PCYT1B: variants seen among roughly 807,000 people sequenced by gnomAD.
The protein encoded by PCYT1B is phosphate cytidylyltransferase 1B, choline, also known as choline-phosphate cytidylyltransferase B.
In PCYT1B, 10 loss-of-function variants were observed where a neutral mutation model predicts 26.4. The observed-to-expected ratio is 0.38, with a 90% CI of 0.23 to 0.64. PCYT1B has a LOEUF of 0.64. Among genes scored for constraint, PCYT1B ranks in the 30% least tolerant of loss-of-function variants. The pLI is 0.56. For synonymous variants in PCYT1B, 131 were observed against 108.4 expected (o/e 1.21, Z -1.29); for missense variants, 161 against 292.7 (o/e 0.55, Z 3.28).
chrX:24,672,565 A>G (rs1927277018), intron 1 of PCYT1B: 3 of 1,198,615 alleles, frequency 2.5e-6, no homozygotes, highest in East Asian at 5.9e-5. Context: ...AAGTATTCAC[A>G]TTACCTTGCG....
At chrX:24,564,106 C>A (rs1256618115) in intron 7 of PCYT1B, among the ~76,000 whole-genome samples, 2 of 109,423 alleles carry the variant, frequency 1.8e-5, no homozygotes, top group Non-Finnish European at 3.8e-5. Context: ...CACTTGAACC[C>A]AGAAGGTGGA....
chrX:24,633,530 C>G (rs1193915547), intron 1 of PCYT1B, among the ~76,000 whole-genome samples: 1 of 109,748 alleles, frequency 9.1e-6, no homozygotes, highest in Non-Finnish European at 1.9e-5. Context: ...AAAAATTAGC[C>G]GGGCGTCGTT....
intron 7 of PCYT1B, among the ~76,000 whole-genome samples, chrX:24,570,085 G>A (rs1287104832): frequency 9.5e-6 from 1 of 105,220 alleles, no homozygotes; most frequent in Non-Finnish European, 2.0e-5. Flanking sequence ...TACTCGGGAG[G>A]CTGAGACAGG....
upstream of PCYT1B, among the ~76,000 whole-genome samples, chrX:24,652,233 T>C (rs1318772568): frequency 8.9e-6 from 1 of 112,442 alleles, no homozygotes; most frequent in Non-Finnish European, 1.9e-5. Context: ...GGTATTAGGT[T>C]GGTGCAAAAG....
At chrX:24,603,689 C>T (rs1175711580) in intron 3 of PCYT1B, among the ~76,000 whole-genome samples, 1 of 109,392 alleles carries the variant, frequency 9.1e-6, no homozygotes, top group Non-Finnish European at 1.9e-5. Context: ...CTCCACTGCA[C>T]TTCAGCCTGG....
intron 4 of PCYT1B, 119 bp downstream of exon 4, chrX:24,589,904 C>G (rs2148233605): frequency 1.7e-6 from 1 of 571,868 alleles, no homozygotes; most frequent in African/African-American, 2.3e-5. Flanking sequence ...TTCCACATGA[C>G]AGTTCCTGAA....
At chrX:24,597,647 A>G (rs748463602) in intron 3 of PCYT1B, among the ~76,000 whole-genome samples, 2 of 112,282 alleles carry the variant, frequency 1.8e-5, no homozygotes, top group South Asian at 7.4e-4. Context: ...ACCAAATGGA[A>G]ATCTCAGTTA....
intron 1 of PCYT1B, among the ~76,000 whole-genome samples, chrX:24,630,607 T>C (rs1467926967): frequency 1.8e-5 from 2 of 112,271 alleles, no homozygotes; most frequent in Non-Finnish European, 3.8e-5. Flanking sequence ...AATATGTTTG[T>C]TTTCTAAAGG....
At chrX:24,662,746 C>A (rs1272134518) in intron 1 of PCYT1B, among the ~76,000 whole-genome samples, 1 of 111,989 alleles carries the variant, frequency 8.9e-6, no homozygotes, top group Non-Finnish European at 1.9e-5. Flanking sequence ...CAGAAAAACA[C>A]TTAGTTGCAA....
chrX:24,630,587 G>A (rs769521245), intron 1 of PCYT1B, among the ~76,000 whole-genome samples: 12 of 112,264 alleles, frequency 1.1e-4, no homozygotes, highest in Admixed American at 4.7e-4. Flanking sequence ...GAGCCACCAC[G>A]CCCAGTCAAA....
At chrX:24,618,710 C>T (rs892083514) in intron 2 of PCYT1B, among the ~76,000 whole-genome samples, 2 of 109,435 alleles carry the variant, frequency 1.8e-5, no homozygotes, top group Non-Finnish European at 1.9e-5. Flanking sequence ...CTCCACCTCC[C>T]GGGTTCAAGC....
At chrX:24,599,057 T>C (rs1026888714) in intron 3 of PCYT1B, among the ~76,000 whole-genome samples, 2 of 112,086 alleles carry the variant, frequency 1.8e-5, no homozygotes, top group African/African-American at 6.5e-5. Context: ...CTATATCTAG[T>C]TGAATAAGTT....
intron 1 of PCYT1B, among the ~76,000 whole-genome samples, chrX:24,633,152 C>G (rs189788603): frequency 5.5e-5 from 5 of 91,602 alleles, no homozygotes; most frequent in African/African-American, 2.1e-4. Flanking sequence ...GGAGTTTGCA[C>G]TGAGCCAAGA....
chrX:24,630,674 G>C (rs1926052910), intron 1 of PCYT1B, among the ~76,000 whole-genome samples: 1 of 112,091 alleles, frequency 8.9e-6, no homozygotes, highest in African/African-American at 3.2e-5. Context: ...ATTTCAAAAA[G>C]GTAAGACTAC....
At chrX:24,583,426 C>T (rs1180040145) in intron 5 of PCYT1B, among the ~76,000 whole-genome samples, 1 of 111,702 alleles carries the variant, frequency 9.0e-6, no homozygotes, top group Admixed American at 9.5e-5. Flanking sequence ...TTTGAGAGAC[C>T]CCAAGCAAGA....
At chrX:24,640,617 G>A (rs916865262) in intron 1 of PCYT1B, among the ~76,000 whole-genome samples, 1 of 111,457 alleles carries the variant, frequency 9.0e-6, no homozygotes, top group Admixed American at 9.5e-5. Flanking sequence ...TAGCCCTGTA[G>A]TGGGATTATC....
At position 24,559,924 on chromosome X, in the gene PCYT1B, G is replaced by A. The variant is rs1923345565; in HGVS notation, c.*2369C>T. 8.9e-6 allele frequency: 1 copy of A among 111,888 alleles called. No homozygotes were observed. The highest frequency in any genetic ancestry group is 3.2e-5 in the African/African-American group (1 of 30,804). The allele number at this position is 111,888 out of a possible 1,213,427, so 9.2% of individuals were successfully genotyped here. A position where few individuals can be genotyped will look rare whatever the true frequency, so the allele number is the denominator to read the frequency against. On this transcript the variant is annotated 3_prime_UTR_variant, in exon 8 of 8. Transcript: ENST00000379144. ...AACGGGGGGACTCACTGCAGGTTAG[G>A]AGGGTGAGATTTAGAACCCATTTAT...
At chrX:24,649,355 T>G (rs1926717928), upstream of PCYT1B, among the ~76,000 whole-genome samples, 1 of 112,015 alleles carries the variant, frequency 8.9e-6, no homozygotes, top group African/African-American at 3.2e-5. Flanking sequence ...CCCTGGTCAC[T>G]TGTCAGAAAT....
chrX:24,653,096 CA>C (rs1926819334), intron 1 of PCYT1B, among the ~76,000 whole-genome samples: 1 of 111,907 alleles, frequency 8.9e-6, no homozygotes, highest in South Asian at 3.7e-4. Flanking sequence ...TAAAACAAAA[CA>C]AAACAGTATT....
Sources: gnomAD v4.1 joint callset for allele counts (sites outside exome capture counted in the v4.1 genomes callset) on GRCh38, gnomAD v4.1.1 for gene constraint, MANE v1.5 for transcripts, NCBI Gene and HGNC (gene_info 2026-07-23, HGNC 2026-07-21) for gene names.